Variants in SORCS3 observed in about 807,000 individuals in gnomAD.
The protein encoded by SORCS3 is VPS10 domain-containing receptor SorCS3.
In SORCS3, 57 loss-of-function variants were observed where a neutral mutation model predicts 146.3. That is an observed-to-expected ratio of 0.39 (90% confidence interval 0.31 to 0.49). The LOEUF (loss-of-function observed/expected upper bound fraction) is 0.49. Among genes scored for constraint, SORCS3 ranks in the 20% least tolerant of loss-of-function variants. The probability of loss-of-function intolerance (pLI) is 0.92; values close to 1 mark genes in which losing one functional copy is unlikely to be tolerated. For synonymous variants in SORCS3, 653 were observed against 618.5 expected (o/e 1.06, Z -0.83); for missense variants, 1,341 against 1,575.5 (o/e 0.85, Z 2.52).
chr10:104,999,926 G>A (rs2055050741), intron 4 of SORCS3, among the ~76,000 whole-genome samples: 1 of 151,978 alleles, frequency 6.6e-6, no homozygotes, highest in African/African-American at 2.4e-5. Context: ...TCCTTTCTCT[G>A]TGACTACCTG....
chr10:104,852,637 A>T (rs1461843036), intron 2 of SORCS3, among the ~76,000 whole-genome samples: 1 of 152,060 alleles, frequency 6.6e-6, no homozygotes, highest in African/African-American at 2.4e-5. Flanking sequence ...CTAAAATGTC[A>T]TTTGCTTCTA....
chr10:105,031,213 T>A (rs2055264221), intron 4 of SORCS3, among the ~76,000 whole-genome samples: 1 of 151,410 alleles, frequency 6.6e-6, no homozygotes. Context: ...GCAGGAGAAT[T>A]GCTTGAACCC....
At chr10:105,017,888 C>G (rs1188273218) in intron 4 of SORCS3, among the ~76,000 whole-genome samples, 1 of 152,180 alleles carries the variant, frequency 6.6e-6, no homozygotes, top group East Asian at 1.9e-4. Flanking sequence ...AATGGACCAG[C>G]CTCTAAGACT....
intron 2 of SORCS3, among the ~76,000 whole-genome samples, chr10:104,913,122 T>G (rs1247328074): frequency 6.6e-6 from 1 of 152,168 alleles, no homozygotes; most frequent in African/African-American, 2.4e-5. Context: ...TTACAAGACT[T>G]AAGCTTGGAA....
intron 3 of SORCS3, among the ~76,000 whole-genome samples, chr10:104,960,503 G>A (rs1180955619): frequency 1.3e-5 from 2 of 152,064 alleles, no homozygotes; most frequent in African/African-American, 4.8e-5. Context: ...GTGGCACAGG[G>A]TATCACATGG....
chr10:104,658,235 G>A (rs2015656490), intron 1 of SORCS3, among the ~76,000 whole-genome samples: 1 of 152,130 alleles, frequency 6.6e-6, no homozygotes, highest in Admixed American at 6.5e-5. Context: ...GCAGATTGAG[G>A]GATGCTGAAA....
intron 4 of SORCS3, among the ~76,000 whole-genome samples, chr10:105,007,632 C>T (rs1003919273): frequency 4.6e-5 from 7 of 151,986 alleles, no homozygotes; most frequent in African/African-American, 1.2e-4. Context: ...AATTGCAGAC[C>T]GTTTTTTCTG....
chr10:104,669,542 T>G (rs892895082), intron 1 of SORCS3, among the ~76,000 whole-genome samples: 1 of 152,230 alleles, frequency 6.6e-6, no homozygotes, highest in Non-Finnish European at 1.5e-5. Flanking sequence ...TCAAGGTTCA[T>G]CCATGTTGTA....
intron 7 of SORCS3, among the ~76,000 whole-genome samples, chr10:105,134,487 G>A (rs753217275): frequency 6.6e-6 from 1 of 150,744 alleles, no homozygotes; most frequent in Non-Finnish European, 1.5e-5. Flanking sequence ...AAGGCCCGGT[G>A]TCTGCTTCCA....
intron 2 of SORCS3, among the ~76,000 whole-genome samples, chr10:104,860,581 A>T (rs1403348114): frequency 6.6e-6 from 1 of 152,118 alleles, no homozygotes; most frequent in Non-Finnish European, 1.5e-5. Flanking sequence ...ATAATAAAAA[A>T]CAGAAAAGAA....
chr10:104,753,563 C>G (rs1200708884), intron 1 of SORCS3, among the ~76,000 whole-genome samples: 1 of 152,172 alleles, frequency 6.6e-6, no homozygotes. Context: ...ATCAAGAGCT[C>G]TTTTCCTAAT....
chr10:104,967,649 C>T (rs144675741), intron 3 of SORCS3, among the ~76,000 whole-genome samples: 1 of 152,166 alleles, frequency 6.6e-6, no homozygotes, highest in East Asian at 1.9e-4. Context: ...TCACTTCTGA[C>T]TTCAGTTGTG....
At chr10:104,884,933 C>CA (rs201405218) in intron 2 of SORCS3, among the ~76,000 whole-genome samples, 3,952 of 152,030 alleles carry the variant, frequency 0.026, 77 homozygotes, top group Middle Eastern at 0.054. Flanking sequence ...GCATCTCTTT[C>CA]ATTTTTTGCT....
At chr10:105,182,006 T>C (rs11192356) in intron 14 of SORCS3, among the ~76,000 whole-genome samples, 14,211 of 152,088 alleles carry the variant, frequency 0.093, 816 homozygotes, top group Admixed American at 0.16. Context: ...TGATAAGAAA[T>C]GTTTGAACCA....
intron 1 of SORCS3, among the ~76,000 whole-genome samples, chr10:104,772,181 G>A (rs746361779): frequency 6.6e-6 from 1 of 151,772 alleles, no homozygotes; most frequent in Admixed American, 6.6e-5. Context: ...GTTTCTTAGG[G>A]AGCTTCTTAG....
intron 14 of SORCS3, among the ~76,000 whole-genome samples, chr10:105,186,623 C>A (rs1336404762): frequency 6.6e-6 from 1 of 152,098 alleles, no homozygotes; most frequent in African/African-American, 2.4e-5. Context: ...TGGCTCACAC[C>A]TGTAATCCCA....
intron 3 of SORCS3, among the ~76,000 whole-genome samples, chr10:104,938,455 A>G (rs2019281112): frequency 6.6e-6 from 1 of 151,820 alleles, no homozygotes; most frequent in African/African-American, 2.4e-5. Flanking sequence ...GCCTTATCTC[A>G]CTCATACTCT....
At position 105,102,884 on chromosome 10, in the gene SORCS3, G is replaced by A. The variant is rs566953000; in HGVS notation, c.1094-2513G>A. On this transcript the variant is annotated intron_variant, in intron 6 of 26. Coordinates refer to ENST00000369701, the MANE Select transcript of SORCS3 (RefSeq NM_014978.3). ...GGCTCAGTGCAACCTCTGACTCCCT[G>A]GTTCAAGCAATTCTCCTGCCTCAGC... Among the ~76,000 whole-genome samples the A allele has an allele frequency of 3.2e-4, 45 of 141,216 alleles. 1 individual carries two copies. The East Asian group carries it at 9.4e-3, about 29-fold the overall frequency. The allele number at this position is 141,216 out of a possible 152,430, so 92.6% of individuals were successfully genotyped here. A position where few individuals can be genotyped will look rare whatever the true frequency, so the allele number is the denominator to read the frequency against.
chr10:105,195,486 T>C (rs546005795), intron 14 of SORCS3, among the ~76,000 whole-genome samples: 1 of 152,302 alleles, frequency 6.6e-6, no homozygotes, highest in East Asian at 1.9e-4. Flanking sequence ...GCTCCTTGGG[T>C]ATTCATGAAA....
Sources: gnomAD v4.1 joint callset for allele counts (sites outside exome capture counted in the v4.1 genomes callset) on GRCh38, gnomAD v4.1.1 for gene constraint, MANE v1.5 for transcripts, NCBI Gene and HGNC (gene_info 2026-07-23, HGNC 2026-07-21) for gene names.